The following SYNDIG1 variants were observed in gnomAD, a reference collection of about 807,000 sequenced individuals.
SYNDIG1 encodes the protein synapse differentiation-inducing gene protein 1.
In SYNDIG1, 9 loss-of-function variants were observed where a neutral mutation model predicts 19.4. That is an observed-to-expected ratio of 0.46 (90% CI 0.28 to 0.81). The LOEUF (loss-of-function observed/expected upper bound fraction) is 0.81. SYNDIG1 is among the 30% of genes least tolerant of loss of function. SYNDIG1 has a pLI of 0.12. For synonymous variants in SYNDIG1, 141 were observed against 145.9 expected, an observed-to-expected ratio of 0.97 and a Z score of 0.24; for missense variants, 311 against 343.3, an observed-to-expected ratio of 0.91 and a Z score of 0.74.
chr20:24,607,525 C>T (rs1392142830), intron 3 of SYNDIG1, among the ~76,000 whole-genome samples: 2 of 152,180 alleles, frequency 1.3e-5, no homozygotes, highest in African/African-American at 2.4e-5. Flanking sequence ...AGCCTCGGCC[C>T]ATGACGAATG....
chr20:24,618,672 G>A (rs2058987800), intron 3 of SYNDIG1, among the ~76,000 whole-genome samples: 1 of 152,158 alleles, frequency 6.6e-6, no homozygotes, highest in African/African-American at 2.4e-5. Flanking sequence ...TTCCCACTGT[G>A]CATAATGCTA....
intron 3 of SYNDIG1, among the ~76,000 whole-genome samples, chr20:24,646,555 C>T (rs2059424509): frequency 6.6e-6 from 1 of 152,172 alleles, no homozygotes; most frequent in Non-Finnish European, 1.5e-5. Flanking sequence ...ATACCGCTTT[C>T]AAGTCTCTCC....
rs975834833 is a variant in SYNDIG1, at chr20:24,665,575, A to C, written c.*71A>C. 17 of 1,600,112 alleles carry C rather than the reference A, an allele frequency of 1.1e-5. No individual in the cohort carries two copies. The Admixed American group carries it at 1.4e-4, about 13-fold the overall frequency. On this transcript the variant is annotated 3_prime_UTR_variant, in exon 4 of 4. Coordinates refer to ENST00000376862, the MANE Select transcript of SYNDIG1 (RefSeq NM_024893.3). Reference sequence around the variant, plus strand: ...GACGTGGAGGAAGCAGGCATACCGCATGATGCTGTACAGTACAAATGATTG... The same window carrying C: ...GACGTGGAGGAAGCAGGCATACCGCCTGATGCTGTACAGTACAAATGATTG...
rs562353982 is a variant in SYNDIG1 at position 24,600,292 on chromosome 20, C to T, written c.618+15299C>T. Among the ~76,000 whole-genome samples the T allele has an allele frequency of 6.9e-4, 105 of 152,230 alleles. 1 individual carries two copies. In the South Asian group the frequency reaches 0.01, roughly 15 times the overall value. ...TTTATTTATTTGTTTGTTTTAGCAC[C>T]GTTAATGTGAAGGGGATTGTCAAAC... is the stretch of plus-strand genomic sequence containing the variant. On this transcript the variant is annotated intron_variant, in intron 3 of 3. Transcript: ENST00000376862.
At chr20:24,569,317 G>C (rs1424599756) in intron 2 of SYNDIG1, among the ~76,000 whole-genome samples, 2 of 152,150 alleles carry the variant, frequency 1.3e-5, no homozygotes, top group Non-Finnish European at 2.9e-5. Context: ...CAAAGGGGTG[G>C]CATCCCTGTT....
At chr20:24,626,587 C>G (rs1391310212) in intron 3 of SYNDIG1, among the ~76,000 whole-genome samples, 1 of 151,498 alleles carries the variant, frequency 6.6e-6, no homozygotes, top group South Asian at 2.1e-4. Flanking sequence ...TCCTCACTTT[C>G]CAGACTGGGC....
intron 2 of SYNDIG1, among the ~76,000 whole-genome samples, chr20:24,565,946 G>A (rs1037626391): frequency 6.6e-6 from 1 of 152,162 alleles, no homozygotes; most frequent in African/African-American, 2.4e-5. Context: ...GTGTGTGTGT[G>A]TGTGTACTTG....
At chr20:24,514,727 G>C (rs1471136125) in intron 1 of SYNDIG1, among the ~76,000 whole-genome samples, 2 of 152,136 alleles carry the variant, frequency 1.3e-5, no homozygotes, top group African/African-American at 4.8e-5. Context: ...GAGACAGAAA[G>C]TTAACAAGGA....
At chr20:24,529,533 T>C (rs962463045) in intron 1 of SYNDIG1, among the ~76,000 whole-genome samples, 4 of 152,236 alleles carry the variant, frequency 2.6e-5, no homozygotes, top group African/African-American at 9.6e-5. Context: ...TGGTTGTGGG[T>C]GTAGTCCAAT....
At chr20:24,640,473 AGAAG>A (rs201004570) in intron 3 of SYNDIG1, among the ~76,000 whole-genome samples, 10,444 of 100,300 alleles carry the variant, frequency 0.1, 636 homozygotes, top group East Asian at 0.18. Flanking sequence ...AGGGAGGGAA[AGAAG>A]GAAGGAAGGA....
At chr20:24,618,167 G>T (rs1439719700) in intron 3 of SYNDIG1, among the ~76,000 whole-genome samples, 9 of 143,536 alleles carry the variant, frequency 6.3e-5, no homozygotes, top group South Asian at 2.3e-4. Context: ...GCCCAGGGAA[G>T]GGGGAGACCC....
chr20:24,660,456 A>C (rs1023656122), intron 3 of SYNDIG1, among the ~76,000 whole-genome samples: 2 of 152,096 alleles, frequency 1.3e-5, no homozygotes, highest in Non-Finnish European at 2.9e-5. Context: ...TGTTCTAAGC[A>C]TGGGTTGGGC....
At chr20:24,482,786 A>G (rs1244891414) in intron 1 of SYNDIG1, among the ~76,000 whole-genome samples, 1 of 152,242 alleles carries the variant, frequency 6.6e-6, no homozygotes, top group African/African-American at 2.4e-5. Context: ...ACATGGATCA[A>G]TGTCCATGGT....
intron 2 of SYNDIG1, among the ~76,000 whole-genome samples, chr20:24,579,816 C>T (rs561992550): frequency 6.6e-6 from 1 of 152,348 alleles, no homozygotes; most frequent in East Asian, 1.9e-4. Context: ...TGGTGTTCAG[C>T]TTCCCACTCC....
chr20:24,640,955 C>G (rs1886537517), intron 3 of SYNDIG1, among the ~76,000 whole-genome samples: 1 of 152,234 alleles, frequency 6.6e-6, no homozygotes, highest in Admixed American at 6.5e-5. Flanking sequence ...ATTTTGGTTG[C>G]TAAGAATTGC....
At chr20:24,563,184 C>G (rs1006694040) in intron 2 of SYNDIG1, among the ~76,000 whole-genome samples, 1 of 152,172 alleles carries the variant, frequency 6.6e-6, no homozygotes, top group African/African-American at 2.4e-5. Flanking sequence ...AAACATCTCT[C>G]TTTATGGACC....
At chr20:24,503,742 G>A (rs1182069608) in intron 1 of SYNDIG1, among the ~76,000 whole-genome samples, 1 of 151,974 alleles carries the variant, frequency 6.6e-6, no homozygotes, top group Non-Finnish European at 1.5e-5. Flanking sequence ...GCTCTTATCT[G>A]CAGAACTCAC....
At chr20:24,629,943 C>T (rs1202396882) in intron 3 of SYNDIG1, among the ~76,000 whole-genome samples, 1 of 152,166 alleles carries the variant, frequency 6.6e-6, no homozygotes, top group Non-Finnish European at 1.5e-5. Flanking sequence ...TTTCTGCTGC[C>T]ACTCAGGATA....
At chr20:24,662,953 C>T (rs1360148610) in intron 3 of SYNDIG1, among the ~76,000 whole-genome samples, 2 of 152,250 alleles carry the variant, frequency 1.3e-5, no homozygotes, top group Non-Finnish European at 2.9e-5. Context: ...CAGGAGCTTT[C>T]GTCCAGCAGC....
Sources: gnomAD v4.1 joint callset for allele counts (sites outside exome capture counted in the v4.1 genomes callset) on GRCh38, gnomAD v4.1.1 for gene constraint, MANE v1.5 for transcripts, NCBI Gene and HGNC (gene_info 2026-07-23, HGNC 2026-07-21) for gene names.